Variants in LSM1 observed in about 807,000 individuals in gnomAD.
LSM1 encodes the protein U6 snRNA-associated Sm-like protein LSm1.
LSM1 carries 13 observed loss-of-function variants against 18.0 expected under a neutral mutation model. The ratio of observed to expected loss-of-function variants is 0.72; its 90% CI spans 0.47 to 1.15. The LOEUF (loss-of-function observed/expected upper bound fraction) is 1.15. Among genes scored for constraint, LSM1 ranks in the 50% most tolerant of loss-of-function variants. LSM1 has a pLI of 0.00. For synonymous variants in LSM1, 46 were observed against 56.0 expected (o/e 0.82, Z 0.80); for missense variants, 152 against 157.7 (o/e 0.96, Z 0.19).
rs758812966 is a variant in LSM1 at position 38,163,857 on chromosome 8, T to A, written c.232-17A>T. Reference sequence around the variant, plus strand: ...TTCCAAGTCCTACAAAAGAGACAGGTTTGAAAACTTCACCTGAAGACCAAG... The same window carrying A: ...TTCCAAGTCCTACAAAAGAGACAGGATTGAAAACTTCACCTGAAGACCAAG... On this transcript the variant is annotated splice_polypyrimidine_tract_variant and intron_variant, in intron 3 of 3. Coordinates refer to ENST00000311351, the MANE Select transcript of LSM1 (RefSeq NM_014462.3). 7 of 1,612,390 alleles carry A rather than the reference T, an allele frequency of 4.3e-6. No homozygotes were observed. In the East Asian group the frequency reaches 1.6e-4, roughly 36 times the overall value.
upstream of LSM1, chr8:38,176,718 G>A (rs1803156655): frequency 9.6e-7 from 1 of 1,041,168 alleles, no homozygotes; most frequent in African/African-American, 1.7e-5. Context: ...AGCTTTCGGG[G>A]TTCGGCAGCA....
intron 2 of LSM1, among the ~76,000 whole-genome samples, 181 bp downstream of exon 2, chr8:38,171,784 T>C (rs1356440533): frequency 2.0e-5 from 3 of 152,224 alleles, no homozygotes; most frequent in African/African-American, 4.8e-5. Flanking sequence ...TGGAAATATA[T>C]ATAAGCTTTG....
At chr8:38,176,171 C>G (rs1803138570) in intron 1 of LSM1, 104 bp downstream of exon 1, 11 of 960,106 alleles carry the variant, frequency 1.1e-5, no homozygotes, top group Admixed American at 6.1e-5. Context: ...TCAGAACACA[C>G]CGGCCCCGCC....
At chr8:38,172,155 G>C in intron 1 of LSM1, 122 bp from the exon 2 acceptor site, 1 of 701,642 alleles carries the variant, frequency 1.4e-6, no homozygotes, top group Non-Finnish European at 2.5e-6. Flanking sequence ...TGAAGTTCAA[G>C]TTCATTGGAA....
intron 3 of LSM1, among the ~76,000 whole-genome samples, chr8:38,167,202 G>A (rs757855364): frequency 2.6e-4 from 39 of 152,110 alleles, no homozygotes; most frequent in Non-Finnish European, 1.3e-4. Context: ...GGGATCCAAG[G>A]AAACAATTAA....
intron 2 of LSM1, among the ~76,000 whole-genome samples, chr8:38,171,284 G>A (rs1803025534): frequency 6.6e-6 from 1 of 152,160 alleles, no homozygotes; most frequent in Admixed American, 6.6e-5. Context: ...TATAATCTCA[G>A]CACTATGGGA....
At chr8:38,164,307 C>T (rs562270317) in intron 3 of LSM1, among the ~76,000 whole-genome samples, 1 of 152,160 alleles carries the variant, frequency 6.6e-6, no homozygotes, top group South Asian at 2.1e-4. Flanking sequence ...CTGCCTTGGC[C>T]TCTCAAAGTG....
In LSM1 at chr8:38,176,325, A is replaced by C; in HGVS notation, c.-5T>G. 1 of 1,611,642 alleles carries C rather than the reference A, an allele frequency of 6.2e-7. No individual in the cohort carries two copies. The highest frequency in any genetic ancestry group is 8.5e-7 in the Non-Finnish European group (1 of 1,178,926). On this transcript the variant is annotated 5_prime_UTR_variant, in exon 1 of 4. Transcript: ENST00000311351. ...GGTGCCAGGCATATAGTTCATTTTG[A>C]ACTGAAATAATGCTGCAATGCACAG...
At position 38,176,423 on chromosome 8, in the gene LSM1, A is replaced by C; in HGVS notation, c.-103T>G. On this transcript the variant is annotated 5_prime_UTR_variant, in exon 1 of 4. In the 5' UTR this introduces an upstream ATG that the reference lacks. Transcript: ENST00000311351. The stretch of plus-strand genomic sequence containing the variant: ...GCCGCCTCGGTGGGACCAAGCCCGG[A>C]ATCCCGACCGAGACCAGCACTTCTG... 2 of 907,444 alleles carry C rather than the reference A, an allele frequency of 2.2e-6. No homozygotes were observed. The highest frequency in any genetic ancestry group is 2.6e-5 in the East Asian group (1 of 38,356). 56.2% of individuals were successfully genotyped at this position (907,444 alleles called of 1,614,324 possible).
intron 2 of LSM1, among the ~76,000 whole-genome samples, chr8:38,171,521 G>A: frequency 6.6e-6 from 1 of 152,198 alleles, no homozygotes; most frequent in East Asian, 1.9e-4. Context: ...ACAAAAATTA[G>A]CTGGGGGTGG....
chr8:38,173,884 G>A (rs1803071166), intron 1 of LSM1, among the ~76,000 whole-genome samples: 1 of 152,122 alleles, frequency 6.6e-6, no homozygotes, highest in Non-Finnish European at 1.5e-5. Context: ...TAAAGAAGTA[G>A]GCCACATGTA....
At chr8:38,164,850 A>C (rs148458925) in intron 3 of LSM1, among the ~76,000 whole-genome samples, 39 of 151,924 alleles carry the variant, frequency 2.6e-4, no homozygotes, top group African/African-American at 9.4e-4. Flanking sequence ...TAAAAAGACA[A>C]AAATAAAAAG....
intron 1 of LSM1, 69 bp downstream of exon 1, chr8:38,176,206 C>T: frequency 1.4e-6 from 2 of 1,390,614 alleles, no homozygotes; most frequent in Non-Finnish European, 2.0e-6. Context: ...CAAGCTTCTT[C>T]GGAAGAGGCG....
At chr8:38,175,072 C>T (rs545861224) in intron 1 of LSM1, among the ~76,000 whole-genome samples, 1 of 146,492 alleles carries the variant, frequency 6.8e-6, no homozygotes, top group Non-Finnish European at 1.5e-5. Flanking sequence ...GATCTGTCAA[C>T]CATAAAATGA....
At chr8:38,169,362 C>T (rs1441748402) in intron 3 of LSM1, among the ~76,000 whole-genome samples, 2 of 152,098 alleles carry the variant, frequency 1.3e-5, no homozygotes, top group African/African-American at 2.4e-5. Flanking sequence ...ACTCCATTCT[C>T]GGGATAGGTA....
At chr8:38,171,889 A>C (rs868181471) in intron 2 of LSM1, 76 bp downstream of exon 2, 1 of 1,124,458 alleles carries the variant, frequency 8.9e-7, no homozygotes, top group African/African-American at 1.6e-5. Context: ...ATAAATTTCA[A>C]TATTAAATAA....
At chr8:38,169,982 C>A (rs1254872900) in intron 2 of LSM1, 65 bp from the exon 3 acceptor site, 12 of 698,122 alleles carry the variant, frequency 1.7e-5, no homozygotes, top group Non-Finnish European at 3.0e-5. Flanking sequence ...GCCCATAACT[C>A]AATAATCAGT....
intron 3 of LSM1, among the ~76,000 whole-genome samples, chr8:38,164,622 G>C (rs1463154504): frequency 6.6e-6 from 1 of 151,256 alleles, no homozygotes; most frequent in Non-Finnish European, 1.5e-5. Flanking sequence ...AGGAGTTCGA[G>C]ACCAGCCTGG....
rs774857883 is a variant in LSM1 at position 38,172,053 on chromosome 8, T to G, written c.47-20A>C. Reference sequence around the variant, plus strand: ...GCTTTTCTGGGGAGAGAGGAAAAAATCTTTTAAATGAAAACTGACAAGTTC... The same window carrying G: ...GCTTTTCTGGGGAGAGAGGAAAAAAGCTTTTAAATGAAAACTGACAAGTTC... On this transcript the variant is annotated intron_variant, in intron 1 of 3. Transcript: ENST00000311351. The G allele has an allele frequency of 6.3e-7, 1 of 1,575,470 alleles. No individual in the cohort carries two copies. The highest frequency in any genetic ancestry group is 8.7e-7 in the Non-Finnish European group (1 of 1,149,980).
Sources: gnomAD v4.1 joint callset for allele counts (sites outside exome capture counted in the v4.1 genomes callset) on GRCh38, gnomAD v4.1.1 for gene constraint, MANE v1.5 for transcripts, NCBI Gene and HGNC (gene_info 2026-07-23, HGNC 2026-07-21) for gene names.